Variants in KCNIP2 observed in about 807,000 individuals in gnomAD.
The protein encoded by KCNIP2 is potassium voltage-gated channel interacting protein 2, also known as A-type potassium channel modulatory protein KCNIP2.
Under a neutral mutation model 39.0 loss-of-function variants are expected in KCNIP2, and 19 were observed. The ratio of observed to expected loss-of-function variants is 0.49; its 90% CI spans 0.34 to 0.71. KCNIP2 has a LOEUF of 0.71. Among genes scored for constraint, KCNIP2 ranks in the 30% least tolerant of loss-of-function variants. The probability of loss-of-function intolerance (pLI) is 0.01; values close to 1 mark genes in which losing one functional copy is unlikely to be tolerated. For missense variants in KCNIP2, 261 were observed against 346.0 expected, an observed-to-expected ratio of 0.75 and a Z score of 1.95; for synonymous variants, 111 against 131.2, an observed-to-expected ratio of 0.85 and a Z score of 1.05.
In KCNIP2 at chr10:101,838,235, G is replaced by A. The variant is rs985657886; in HGVS notation, c.73+5261C>T. Among the ~76,000 whole-genome samples, 4 of 152,220 alleles carry A rather than the reference G, an allele frequency of 2.6e-5. No individual in the cohort carries two copies. The highest frequency in any genetic ancestry group is 9.7e-5 in the African/African-American group (4 of 41,444). ...CTCTGTGGAAGCAATTTGGCAGAGT[G>A]GGAACTCAAGGGAAAACCATCTCGA... On this transcript the variant is annotated intron_variant, in intron 1 of 9. Coordinates refer to ENST00000356640, the MANE Select transcript of KCNIP2 (RefSeq NM_173191.3). This position sits in a 1 kb window ranked among gnomAD's most constrained non-coding sequence, Gnocchi z 4.0.
At chr10:101,839,874 C>T in intron 1 of KCNIP2, 2 of 1,558,278 alleles carry the variant, frequency 1.3e-6, no homozygotes, top group Non-Finnish European at 1.7e-6. Flanking sequence ...TAAGCTCCAC[C>T]CCCAGGCCCC....
At chr10:101,834,817 A>G (rs1027984007) in intron 1 of KCNIP2, among the ~76,000 whole-genome samples, 1 of 152,194 alleles carries the variant, frequency 6.6e-6, no homozygotes, top group Non-Finnish European at 1.5e-5. Flanking sequence ...AAGTAATCAG[A>G]TGCATGGGTC....
chr10:101,830,961 G>T, intron 2 of KCNIP2, 111 bp downstream of exon 2: 1 of 988,220 alleles, frequency 1.0e-6, no homozygotes, highest in Non-Finnish European at 1.5e-6. Flanking sequence ...ACACATGCAG[G>T]CCTGGAGCAT....
At chr10:101,830,761 C>T (rs2065953584) in intron 2 of KCNIP2, among the ~76,000 whole-genome samples, 1 of 138,542 alleles carries the variant, frequency 7.2e-6, no homozygotes, top group East Asian at 2.3e-4. Context: ...GTGCGGCACG[C>T]CTCCCCATAC....
intron 1 of KCNIP2, among the ~76,000 whole-genome samples, chr10:101,841,534 A>G (rs2066340014): frequency 6.6e-6 from 1 of 152,162 alleles, no homozygotes; most frequent in Non-Finnish European, 1.5e-5. Context: ...GGAGCTATCT[A>G]CAGCTAGGCT....
rs1222486650 is a variant in KCNIP2, at chr10:101,843,548, C to T, written c.21G>A (p.Lys7=). The part of the protein sequence containing the change: MRGQGR[K]ESLSDSRDLD... Reference sequence around the variant, plus strand: ...GGTCTCGGGAATCGGACAAACTCTCCTTGCGGCCCTGGCCCCGCATGGCCC... The same window carrying T: ...GGTCTCGGGAATCGGACAAACTCTCTTTGCGGCCCTGGCCCCGCATGGCCC... The change falls in exon 1 of 10, where the codon AAG becomes AAA. Residue 7 remains lysine, a synonymous_variant. Coordinates refer to ENST00000356640, the MANE Select transcript of KCNIP2 (RefSeq NM_173191.3). This position sits in a 1 kb window ranked among gnomAD's most constrained non-coding sequence, Gnocchi z 6.7. 2.6e-6 allele frequency: 4 copies of T among 1,566,146 alleles called. No individual in the cohort carries two copies. The highest frequency in any genetic ancestry group is 3.5e-6 in the Non-Finnish European group (4 of 1,157,896).
At chr10:101,833,456 A>G (rs758946918) in intron 1 of KCNIP2, among the ~76,000 whole-genome samples, 1 of 152,026 alleles carries the variant, frequency 6.6e-6, no homozygotes, top group East Asian at 1.9e-4. Flanking sequence ...CTCATCCCCA[A>G]TCATAGCTGG....
In KCNIP2 at chr10:101,828,402, GA is replaced by G; in HGVS notation, c.475del (p.Ser159ArgfsTer13). On this transcript the variant is annotated frameshift_variant, in exon 6 of 10. Transcript: ENST00000356640. LOFTEE classifies it high-confidence loss of function. The surrounding 1 kb of genome is among the most constrained non-coding windows in gnomAD (Gnocchi z 6.6). ...FNAFDTNHDG[S>X]VSFEDFVAGL... ...CGCCCAGCTCACCTCAAAACTGACCGAGCCATCATGGTTGGTGTCAAAGGCA... is the reference window on the plus strand; with the variant it reads ...CGCCCAGCTCACCTCAAAACTGACCGGCCATCATGGTTGGTGTCAAAGGCA... 6.2e-7 allele frequency: 1 copy of G among 1,614,086 alleles called. No homozygotes were observed. Among genetic ancestry groups the G allele is most frequent in the Non-Finnish European group, 8.5e-7 (1 of 1,180,020 alleles).
At chr10:101,830,317 G>C (rs568335419) in intron 2 of KCNIP2, 1 of 1,032,846 alleles carries the variant, frequency 9.7e-7, no homozygotes, top group Middle Eastern at 2.5e-4. Context: ...GAGGGCAGGC[G>C]CCATCCTCTA....
At chr10:101,829,052 G>A (rs760661791) in intron 4 of KCNIP2, 23 bp downstream of exon 4, 4 of 1,609,452 alleles carry the variant, frequency 2.5e-6, no homozygotes, top group South Asian at 1.1e-5. Context: ...CCCTCGCTGA[G>A]TTTGGCCTCG....
chr10:101,829,945 G>A (rs764217442), intron 2 of KCNIP2, 48 bp from the exon 3 acceptor site: 2 of 1,536,182 alleles, frequency 1.3e-6, no homozygotes, highest in Admixed American at 4.1e-5. Flanking sequence ...CCGGCCAACT[G>A]CAGACACACA....
At chr10:101,829,480 C>A (rs2065882805) in intron 3 of KCNIP2, 2 of 486,442 alleles carry the variant, frequency 4.1e-6, no homozygotes, top group Non-Finnish European at 7.2e-6. Context: ...GAGGGGAAGG[C>A]CCCCAGCCGC....
At chr10:101,840,068 G>T (rs1180443746) in intron 1 of KCNIP2, among the ~76,000 whole-genome samples, 2 of 151,594 alleles carry the variant, frequency 1.3e-5, no homozygotes, top group African/African-American at 4.8e-5. Context: ...GGGGGGGGGG[G>T]GTGGCGGGGA....
rs759196985 is a variant in KCNIP2, at chr10:101,843,446, G to A, written c.73+50C>T. 1.5e-5 allele frequency: 20 copies of A among 1,298,230 alleles called. No homozygotes were observed. The highest frequency in any genetic ancestry group is 1.1e-6 in the Non-Finnish European group (1 of 950,290). The allele number at this position is 1,298,230 out of a possible 1,614,324, so 80.4% of individuals were successfully genotyped here. ...GGGGTCGGAGAGGCGGAAGGGTCTG[G>A]AGGAATGGAATCCACCCTCCCTCCC... On this transcript the variant is annotated intron_variant, in intron 1 of 9. Coordinates refer to ENST00000356640, the MANE Select transcript of KCNIP2 (RefSeq NM_173191.3). The surrounding 1 kb of genome is among the most constrained non-coding windows in gnomAD (Gnocchi z 6.7).
chr10:101,839,470 C>T (rs2066254984), intron 1 of KCNIP2, among the ~76,000 whole-genome samples: 1 of 152,180 alleles, frequency 6.6e-6, no homozygotes, highest in African/African-American at 2.4e-5. Context: ...AGGCCCCCTC[C>T]TCTGCCTTCG....
In KCNIP2 at chr10:101,843,191, A is replaced by G. The variant is rs2066383686; in HGVS notation, c.73+305T>C. Among the ~76,000 whole-genome samples, 2 of 152,182 alleles carry G rather than the reference A, an allele frequency of 1.3e-5. No individual in the cohort carries two copies. The highest frequency in any genetic ancestry group is 1.9e-4 in the East Asian group (1 of 5,194). On this transcript the variant is annotated intron_variant, in intron 1 of 9. Coordinates refer to ENST00000356640, the MANE Select transcript of KCNIP2 (RefSeq NM_173191.3). This position sits in a 1 kb window ranked among gnomAD's most constrained non-coding sequence, Gnocchi z 6.7. ...AGCTGTGGGAGGTGCGCGCGCACAC[A>G]CACACACACACACAGAATGACAGGT... is the stretch of plus-strand genomic sequence containing the variant.
chr10:101,828,463 C>T lies in KCNIP2; in HGVS notation c.419-4G>A. 6.2e-7 allele frequency: 1 copy of T among 1,613,920 alleles called. No homozygotes were observed. The highest frequency in any genetic ancestry group is 1.1e-5 in the South Asian group (1 of 90,966). ...AAAGTGGCATAGGTGCTGGAGTCTG[C>T]AGGGTGAGTGTGGAGAAGTTGGCTT... is the stretch of plus-strand genomic sequence containing the variant. On this transcript the variant is annotated splice_region_variant and splice_polypyrimidine_tract_variant and intron_variant, in intron 5 of 9. Coordinates refer to ENST00000356640, the MANE Select transcript of KCNIP2 (RefSeq NM_173191.3). This position sits in a 1 kb window ranked among gnomAD's most constrained non-coding sequence, Gnocchi z 6.6.
intron 2 of KCNIP2, chr10:101,830,480 C>T (rs2065934318): frequency 7.9e-7 from 1 of 1,272,050 alleles, no homozygotes; most frequent in Non-Finnish European, 1.0e-6. Flanking sequence ...GCCGCCACAG[C>T]TACACAGGCT....
chr10:101,827,662 G>C (rs747685150), intron 9 of KCNIP2, 27 bp downstream of exon 9: 1 of 1,613,034 alleles, frequency 6.2e-7, no homozygotes, highest in East Asian at 2.2e-5. Context: ...TCCAGGTCAG[G>C]GTAATGTAGA....
Sources: allele counts gnomAD v4.1 joint callset (sites outside exome capture counted in the v4.1 genomes callset), GRCh38; gene constraint gnomAD v4.1.1; non-coding constraint Gnocchi (gnomAD v3.1); transcripts MANE v1.5; gene names NCBI Gene and HGNC (gene_info 2026-07-23, HGNC 2026-07-21).